Variants in TCF7L1 observed in about 807,000 individuals in gnomAD.
TCF7L1 encodes transcription factor 7-like 1.
In TCF7L1, 18 loss-of-function variants were observed where a neutral mutation model predicts 63.7. The ratio of observed to expected loss-of-function variants is 0.28; its 90% CI spans 0.20 to 0.42. TCF7L1 has a LOEUF of 0.42. TCF7L1 is among the 10% of genes least tolerant of loss of function. TCF7L1 has a pLI of 1.00. For synonymous variants in TCF7L1, 355 were observed against 340.9 expected (o/e 1.04, Z -0.46); for missense variants, 654 against 779.3 (o/e 0.84, Z 1.91).
intron 3 of TCF7L1, chr2:85,261,999 CTG>C (rs921873909): frequency 3.6e-5 from 18 of 500,348 alleles, no homozygotes; most frequent in Admixed American, 2.5e-4. Flanking sequence ...TAAAAACAAA[CTG>C]TATCCTTCTC....
intron 3 of TCF7L1, among the ~76,000 whole-genome samples, chr2:85,165,611 G>C (rs916190115): frequency 1.3e-5 from 2 of 152,204 alleles, no homozygotes; most frequent in Non-Finnish European, 2.9e-5. Flanking sequence ...CAACACTAAA[G>C]CTGGGGTTGG....
intron 4 of TCF7L1, among the ~76,000 whole-genome samples, chr2:85,284,558 A>G (rs1385260670): frequency 6.6e-6 from 1 of 152,108 alleles, no homozygotes; most frequent in African/African-American, 2.4e-5. Flanking sequence ...CAGATATCCT[A>G]CTTTCCTGGG....
intron 4 of TCF7L1, among the ~76,000 whole-genome samples, chr2:85,298,275 G>A (rs535692756): frequency 6.6e-6 from 1 of 151,120 alleles, no homozygotes; most frequent in South Asian, 2.1e-4. Context: ...GGCAGATCAC[G>A]AGGTCGAGAG....
intron 3 of TCF7L1, among the ~76,000 whole-genome samples, chr2:85,199,313 T>TA (rs1308849835): frequency 6.6e-6 from 1 of 152,008 alleles, no homozygotes. Context: ...CTGCTGATCT[T>TA]AAAAAAAATG....
At chr2:85,236,427 G>T in intron 3 of TCF7L1, among the ~76,000 whole-genome samples, 1 of 152,174 alleles carries the variant, frequency 6.6e-6, no homozygotes, top group Non-Finnish European at 1.5e-5. Context: ...GGCCTCTGGT[G>T]TGGGTCAGAT....
At chr2:85,244,140 G>A (rs951096304) in intron 3 of TCF7L1, among the ~76,000 whole-genome samples, 11 of 152,276 alleles carry the variant, frequency 7.2e-5, no homozygotes, top group Middle Eastern at 6.8e-3. Flanking sequence ...TTCCAGGAGC[G>A]GGCAGAACAG....
Position 85,155,177 on chromosome 2 carries a change from C to T in TCF7L1, c.441+20727C>T, listed in dbSNP as rs548392308. On this transcript the variant is annotated intron_variant, in intron 3 of 11. Coordinates refer to ENST00000282111, the MANE Select transcript of TCF7L1 (RefSeq NM_031283.3). ...GTGAAGCCAGCTGGACTTCCTTGGTCGAATGGGTACTTGGAGAACTTTTCT... is the reference window on the plus strand; with the variant it reads ...GTGAAGCCAGCTGGACTTCCTTGGTTGAATGGGTACTTGGAGAACTTTTCT... 1.2e-3 allele frequency among the ~76,000 whole-genome samples: 183 copies of T among 152,236 alleles called. 1 individual carries two copies. The highest frequency in any genetic ancestry group is 4.2e-3 in the African/African-American group (176 of 41,526).
chr2:85,284,673 G>A (rs1000657763), intron 4 of TCF7L1, among the ~76,000 whole-genome samples: 2 of 152,194 alleles, frequency 1.3e-5, no homozygotes, highest in African/African-American at 4.8e-5. Flanking sequence ...AGGGAATGCG[G>A]TTAGAAGGGA....
chr2:85,245,475 T>C (rs72840008), intron 3 of TCF7L1, among the ~76,000 whole-genome samples: 8,387 of 152,180 alleles, frequency 0.055, 298 homozygotes, highest in Non-Finnish European at 0.078. Context: ...CCTGGAACCA[T>C]GTGGCTCATC....
At chr2:85,257,858 G>A (rs1414397729) in intron 3 of TCF7L1, among the ~76,000 whole-genome samples, 2 of 152,204 alleles carry the variant, frequency 1.3e-5, no homozygotes, top group African/African-American at 4.8e-5. Context: ...TCCACATTAT[G>A]AATGTCATGG....
chr2:85,252,481 C>T (rs1004133524), intron 3 of TCF7L1, among the ~76,000 whole-genome samples: 1 of 152,180 alleles, frequency 6.6e-6, no homozygotes, highest in Admixed American at 6.5e-5. Flanking sequence ...TGACCCAAGC[C>T]TCGGTGTGAC....
intron 3 of TCF7L1, among the ~76,000 whole-genome samples, chr2:85,178,729 G>A (rs952172210): frequency 2.0e-5 from 3 of 152,188 alleles, no homozygotes; most frequent in Non-Finnish European, 4.4e-5. Flanking sequence ...CAGCCTCACT[G>A]AAGCCCTGGC....
intron 3 of TCF7L1, among the ~76,000 whole-genome samples, chr2:85,168,522 G>A (rs1678473064): frequency 6.6e-6 from 1 of 152,088 alleles, no homozygotes; most frequent in African/African-American, 2.4e-5. Context: ...GGAGCTGGGT[G>A]CTGCCGAGTC....
intron 4 of TCF7L1, among the ~76,000 whole-genome samples, chr2:85,301,775 C>T (rs1030773215): frequency 6.6e-6 from 1 of 152,116 alleles, no homozygotes; most frequent in Non-Finnish European, 1.5e-5. Flanking sequence ...GTTCCCAGTC[C>T]CAGACTTGAA....
chr2:85,255,575 G>A (rs1680696465), intron 3 of TCF7L1, among the ~76,000 whole-genome samples: 1 of 152,172 alleles, frequency 6.6e-6, no homozygotes, highest in Admixed American at 6.5e-5. Context: ...TGAGAGCTCC[G>A]CTTTGCCGGG....
chr2:85,216,246 G>A (rs4832149), intron 3 of TCF7L1, among the ~76,000 whole-genome samples: 10,822 of 152,134 alleles, frequency 0.071, 1,081 homozygotes, highest in African/African-American at 0.21. Flanking sequence ...TTCCTTCCCC[G>A]TGGCTCCGGG....
At chr2:85,262,383 C>A in intron 3 of TCF7L1, 1 of 398,304 alleles carries the variant, frequency 2.5e-6, no homozygotes, top group Non-Finnish European at 5.1e-6. Flanking sequence ...AAGACACCGT[C>A]TCTTAAAAGA....
intron 3 of TCF7L1, among the ~76,000 whole-genome samples, chr2:85,283,265 T>TGGGGGGGGGCCCCCC: frequency 9.1e-6 from 1 of 109,842 alleles, no homozygotes; most frequent in African/African-American, 3.1e-5. Context: ...GTCATTCGTG[T>TGGGGGGGGGCCCCCC]CCCCCCCCCC....
chr2:85,250,223 G>GT (rs1680557914), intron 3 of TCF7L1, among the ~76,000 whole-genome samples: 2 of 152,070 alleles, frequency 1.3e-5, no homozygotes, highest in Non-Finnish European at 2.9e-5. Flanking sequence ...AGCTACCAAC[G>GT]TGACATCACT....
Sources: allele counts gnomAD v4.1 joint callset (sites outside exome capture counted in the v4.1 genomes callset), GRCh38; gene constraint gnomAD v4.1.1; transcripts MANE v1.5; gene names NCBI Gene and HGNC (gene_info 2026-07-23, HGNC 2026-07-21).